Variants in AP1B1 observed in about 807,000 individuals in gnomAD.
The protein encoded by AP1B1 is adaptor related protein complex 1 subunit beta 1, also known as AP-1 complex subunit beta-1.
AP1B1 carries 36 observed loss-of-function variants against 104.3 expected under a neutral mutation model. That is an observed-to-expected ratio of 0.35 (90% CI 0.26 to 0.46). The LOEUF is 0.46. Among genes scored for constraint, AP1B1 ranks in the 20% least tolerant of loss-of-function variants. AP1B1 has a pLI of 1.00. For synonymous variants in AP1B1, 504 were observed against 517.5 expected, an observed-to-expected ratio of 0.97 and a Z score of 0.35; for missense variants, 901 against 1,247.9, an observed-to-expected ratio of 0.72 and a Z score of 4.19.
chr22:29,347,473 G>A (rs1044551546), intron 11 of AP1B1, among the ~76,000 whole-genome samples: 9 of 152,154 alleles, frequency 5.9e-5, no homozygotes, highest in Non-Finnish European at 8.8e-5. Context: ...ACTGAGCCAG[G>A]AAGGGGCAGA....
intron 16 of AP1B1, among the ~76,000 whole-genome samples, chr22:29,334,821 C>T (rs2061614202): frequency 1.3e-5 from 2 of 152,212 alleles, no homozygotes; most frequent in South Asian, 2.1e-4. Flanking sequence ...TCCTGGGCCT[C>T]GGCCAGAATC....
chr22:29,377,666 C>T (rs768544026), intron 1 of AP1B1, among the ~76,000 whole-genome samples: 1 of 151,856 alleles, frequency 6.6e-6, no homozygotes, highest in Non-Finnish European at 1.5e-5. Flanking sequence ...AAAAATTAGC[C>T]AGGCATGGTG....
intron 1 of AP1B1, among the ~76,000 whole-genome samples, chr22:29,379,496 G>A (rs1164647026): frequency 6.6e-6 from 1 of 152,184 alleles, no homozygotes; most frequent in Non-Finnish European, 1.5e-5. Context: ...CTGAAGATCT[G>A]TCAAATTAAC....
chr22:29,373,635 G>A (rs1032732842), intron 1 of AP1B1, among the ~76,000 whole-genome samples: 1 of 152,146 alleles, frequency 6.6e-6, no homozygotes, highest in Non-Finnish European at 1.5e-5. Context: ...TGTGCTGGGC[G>A]CAGAGGCCTG....
chr22:29,371,446 C>T (rs529626197), intron 1 of AP1B1, among the ~76,000 whole-genome samples: 1 of 152,268 alleles, frequency 6.6e-6, no homozygotes, highest in East Asian at 1.9e-4. Flanking sequence ...TGAAAGCAGG[C>T]AGCGGCTGGG....
intron 11 of AP1B1, among the ~76,000 whole-genome samples, chr22:29,344,036 G>A (rs2061752545): frequency 6.6e-6 from 1 of 151,796 alleles, no homozygotes; most frequent in Non-Finnish European, 1.5e-5. Context: ...CTTGAACCCG[G>A]GAGGCAGAGG....
At chr22:29,342,136 T>C in intron 12 of AP1B1, 149 bp downstream of exon 12, 1 of 671,388 alleles carries the variant, frequency 1.5e-6, no homozygotes. Context: ...GGCAGGGAGC[T>C]TGGGTAACTC....
chr22:29,356,750 T>C, intron 5 of AP1B1, 134 bp from the exon 6 acceptor site: 1 of 823,970 alleles, frequency 1.2e-6, no homozygotes, highest in Admixed American at 2.7e-5. Context: ...GGTCTGGAGC[T>C]GCAACGAGAC....
At chr22:29,385,136 G>A (rs1380454637) in intron 1 of AP1B1, among the ~76,000 whole-genome samples, 1 of 152,222 alleles carries the variant, frequency 6.6e-6, no homozygotes, top group African/African-American at 2.4e-5. Context: ...TGTAATCCCA[G>A]CACTTTGGGA....
At chr22:29,381,047 C>G (rs2148054928) in intron 1 of AP1B1, among the ~76,000 whole-genome samples, 1 of 152,316 alleles carries the variant, frequency 6.6e-6, no homozygotes, top group South Asian at 2.1e-4. Context: ...TTTACTGATC[C>G]TCGAACACAA....
chr22:29,374,854 C>T (rs1442428765), intron 1 of AP1B1, among the ~76,000 whole-genome samples: 1 of 152,186 alleles, frequency 6.6e-6, no homozygotes, highest in Non-Finnish European at 1.5e-5. Flanking sequence ...TGTCCATCCA[C>T]AGGATTGTTT....
intron 1 of AP1B1, among the ~76,000 whole-genome samples, chr22:29,379,785 C>T (rs1602821009): frequency 6.6e-6 from 1 of 152,148 alleles, no homozygotes; most frequent in Admixed American, 6.6e-5. Context: ...AAGAGATGCA[C>T]CACGAAATTG....
At chr22:29,365,669 C>A (rs1283906030) in intron 2 of AP1B1, among the ~76,000 whole-genome samples, 2 of 151,772 alleles carry the variant, frequency 1.3e-5, no homozygotes, top group African/African-American at 4.9e-5. Flanking sequence ...AGCAAGTAAT[C>A]CTCCCACCCA....
chr22:29,383,242 C>T (rs981437403), intron 1 of AP1B1, among the ~76,000 whole-genome samples: 1 of 152,188 alleles, frequency 6.6e-6, no homozygotes, highest in African/African-American at 2.4e-5. Flanking sequence ...AAGACCACCA[C>T]AGCAGCAGAC....
At chr22:29,333,315 C>G (rs967961807) in intron 17 of AP1B1, 4 of 154,656 alleles carry the variant, frequency 2.6e-5, no homozygotes, top group Admixed American at 2.0e-4. Flanking sequence ...CCCACTGACA[C>G]CCAGTGTAGC....
In AP1B1 at chr22:29,341,765, TG is replaced by T. The variant is rs1569154582; in HGVS notation, c.1537-6del. 6.2e-7 allele frequency: 1 copy of T among 1,601,746 alleles called. No individual in the cohort carries two copies. The highest frequency in any genetic ancestry group is 1.1e-5 in the South Asian group (1 of 90,410). On this transcript the variant is annotated splice_region_variant and splice_polypyrimidine_tract_variant and intron_variant, in intron 12 of 22. Transcript: ENST00000357586. Reference sequence around the variant, plus strand: ...CAGGTCTGGGTTATCTGAGTCCTTGTGGGGGTGAGGAGAAGCCCATGAAACT... The same window carrying T: ...CAGGTCTGGGTTATCTGAGTCCTTGTGGGGTGAGGAGAAGCCCATGAAACT...
At chr22:29,382,402 T>C (rs901409539) in intron 1 of AP1B1, among the ~76,000 whole-genome samples, 4 of 152,230 alleles carry the variant, frequency 2.6e-5, no homozygotes, top group Non-Finnish European at 4.4e-5. Context: ...AGTGTTCTTA[T>C]TCATACATTT....
Position 29,332,156 on chromosome 22 carries a change from C to T in AP1B1, c.2310-240G>A. 9.0e-6 allele frequency: 4 copies of T among 443,252 alleles called. No individual in the cohort carries two copies. The Middle Eastern group carries it at 1.8e-3, about 200-fold the overall frequency. The allele number at this position is 443,252 out of a possible 1,614,324, so 27.5% of individuals were successfully genotyped here. On this transcript the variant is annotated intron_variant, in intron 17 of 22. Transcript: ENST00000357586. The stretch of plus-strand genomic sequence containing the variant: ...GCTCTGCTCTGCCCCAGCCTGGCTG[C>T]AGGCCTGAAGCCCAGCTCTGTTCCT...
Position 29,329,591 on chromosome 22 carries a change from C to A in AP1B1, c.2775+121G>T, listed in dbSNP as rs373078599. 7.1e-6 allele frequency: 11 copies of A among 1,541,690 alleles called. No homozygotes were observed. The South Asian group carries it at 1.2e-4, about 18-fold the overall frequency. ...CTCAATCAGGGCCACCTGGCTGAAGCCCCCCGGGTGAGGTGAGGCCAAGAG... is the reference window on the plus strand; with the variant it reads ...CTCAATCAGGGCCACCTGGCTGAAGACCCCCGGGTGAGGTGAGGCCAAGAG... On this transcript the variant is annotated intron_variant, in intron 22 of 22. Coordinates refer to ENST00000357586, the MANE Select transcript of AP1B1 (RefSeq NM_001127.4).
Sources: gnomAD v4.1 joint callset for allele counts (sites outside exome capture counted in the v4.1 genomes callset) on GRCh38, gnomAD v4.1.1 for gene constraint, MANE v1.5 for transcripts, NCBI Gene and HGNC (gene_info 2026-07-23, HGNC 2026-07-21) for gene names.